L3MBTL2: variants seen among roughly 807,000 people sequenced by gnomAD.
L3MBTL2 encodes lethal(3)malignant brain tumor-like protein 2.
L3MBTL2 carries 49 observed loss-of-function variants against 86.4 expected under a neutral mutation model. That is an observed-to-expected ratio of 0.57 (90% CI 0.45 to 0.72). The LOEUF is 0.72. Ranked by LOEUF, L3MBTL2 falls within the 30% of genes least tolerant of loss-of-function variation. L3MBTL2 has a pLI of 0.00. For missense variants in L3MBTL2, 755 were observed against 923.7 expected, an observed-to-expected ratio of 0.82 and a Z score of 2.37; for synonymous variants, 336 against 350.6, an observed-to-expected ratio of 0.96 and a Z score of 0.47.
rs1305547496 is a variant in L3MBTL2, at chr22:41,231,196, A to G, written c.*945A>G. ...GACAAGGATGACAGAGCTGGAGGAC[A>G]CATCTAGCTGCCATTGCAACCTCAC... On this transcript the variant is annotated 3_prime_UTR_variant, in exon 17 of 17. Transcript: ENST00000216237. The G allele has an allele frequency of 6.6e-6, 1 of 152,188 alleles. No homozygotes were observed. The highest frequency in any genetic ancestry group is 1.5e-5 in the Non-Finnish European group (1 of 68,040). The allele number at this position is 152,188 out of a possible 1,614,324, so 9.4% of individuals were successfully genotyped here. A position where few individuals can be genotyped will look rare whatever the true frequency, so the allele number is the denominator to read the frequency against.
At position 41,230,642 on chromosome 22, in the gene L3MBTL2, C is replaced by T. The variant is rs722518; in HGVS notation, c.*391C>T. 1 of 210,376 alleles carries T rather than the reference C, an allele frequency of 4.8e-6. No individual in the cohort carries two copies. Among genetic ancestry groups the T allele is most frequent in the African/African-American group, 2.3e-5 (1 of 42,782 alleles). The allele number at this position is 210,376 out of a possible 1,614,324, so 13.0% of individuals were successfully genotyped here. On this transcript the variant is annotated 3_prime_UTR_variant, in exon 17 of 17. Coordinates refer to ENST00000216237, the MANE Select transcript of L3MBTL2 (RefSeq NM_031488.5). ...ACTGTGGAATACAAGACAGTGAACT[C>T]TGTCTGCCTGAACGAGCCATGTAAA...
chr22:41,209,972 G>A (rs774535295), intron 2 of L3MBTL2, 39 bp downstream of exon 2: 2 of 1,602,430 alleles, frequency 1.2e-6, no homozygotes, highest in Non-Finnish European at 1.7e-6. Context: ...AGAGGAGATA[G>A]AAGATTATAG....
In L3MBTL2 at chr22:41,209,624, C is replaced by A. The variant is rs1404071930; in HGVS notation, c.25-72C>A. On this transcript the variant is annotated intron_variant, in intron 1 of 16. Transcript: ENST00000216237. ...AAGTGTGAGGGGGCTGATAGCAGAT[C>A]TGCAGCTTCTCCCCCCGTGCACTAA... 3.0e-6 allele frequency: 4 copies of A among 1,342,822 alleles called. No homozygotes were observed. The East Asian group carries it at 6.9e-5, about 23-fold the overall frequency. The allele number at this position is 1,342,822 out of a possible 1,614,324, so 83.2% of individuals were successfully genotyped here.
At position 41,227,884 on chromosome 22, in the gene L3MBTL2, G is replaced by C; in HGVS notation, c.1888+15G>C. The C allele has an allele frequency of 6.2e-7, 1 of 1,610,954 alleles. No homozygotes were observed. Among genetic ancestry groups the C allele is most frequent in the South Asian group, 1.1e-5 (1 of 90,642 alleles). On this transcript the variant is annotated intron_variant, in intron 15 of 16. Transcript: ENST00000216237. This position sits in a 1 kb window ranked among gnomAD's most constrained non-coding sequence, Gnocchi z 6.0. ...TGGGAAGAAAAGTAAGTGCTGCACCGGTGCAGCCAGGCTGGTGTGGGCCTG... is the reference window on the plus strand; with the variant it reads ...TGGGAAGAAAAGTAAGTGCTGCACCCGTGCAGCCAGGCTGGTGTGGGCCTG...
At chr22:41,222,411 A>G (rs1310849773) in intron 8 of L3MBTL2, among the ~76,000 whole-genome samples, 1 of 151,786 alleles carries the variant, frequency 6.6e-6, no homozygotes, top group Non-Finnish European at 1.5e-5. Flanking sequence ...CTGGTGTAGG[A>G]CTCCTGTGTG....
At chr22:41,211,932 T>C (rs147734040) in intron 2 of L3MBTL2, among the ~76,000 whole-genome samples, 3,440 of 135,824 alleles carry the variant, frequency 0.025, 439 homozygotes, top group Admixed American at 0.22. Flanking sequence ...GGCACGATCT[T>C]GGCTCACTGC....
intron 3 of L3MBTL2, among the ~76,000 whole-genome samples, chr22:41,215,179 T>C (rs1313285943): frequency 1.3e-5 from 2 of 152,190 alleles, no homozygotes; most frequent in Non-Finnish European, 2.9e-5. Context: ...TACTGCTTCA[T>C]ACACTGTCGC....
At chr22:41,219,558 G>T in intron 6 of L3MBTL2, 22 bp downstream of exon 6, 1 of 1,484,066 alleles carries the variant, frequency 6.7e-7, no homozygotes, top group Non-Finnish European at 9.4e-7. Context: ...GCCAGGGCAG[G>T]GCCAGGGATG....
intron 6 of L3MBTL2, 97 bp from the exon 7 acceptor site, chr22:41,220,637 G>A (rs1243116950): frequency 2.3e-5 from 31 of 1,359,178 alleles, no homozygotes; most frequent in Non-Finnish European, 2.5e-5. Context: ...CAGCCTGGGC[G>A]ACAGAGCAAG....
intron 1 of L3MBTL2, chr22:41,208,439 G>A (rs568231118): frequency 2.6e-5 from 8 of 303,314 alleles, no homozygotes; most frequent in South Asian, 1.2e-4. Context: ...CTCTTCACAC[G>A]TTTTCTGTTA....
rs748795661 is a variant in L3MBTL2, at chr22:41,224,967, G to T, written c.1252G>T (p.Val418Leu). The T allele has an allele frequency of 1.9e-6, 3 of 1,613,248 alleles. No homozygotes were observed. The highest frequency in any genetic ancestry group is 2.2e-5 in the South Asian group (2 of 91,024). ...TCCCCAGCTGTCCCATTCCTTTAAG[G>T]TACGAGCAGTCTACACAGAAGGCGG... is the stretch of plus-strand genomic sequence containing the variant. ...CDAVPYLFKK[V>L]RAVYTEGGWF... Residue 418 changes from valine to leucine, a missense_variant and splice_region_variant, in exon 11 of 17, where the codon GTA becomes TTA. Val to Leu is a conservative substitution (Grantham distance 32, BLOSUM62 1). Transcript: ENST00000216237. The surrounding 1 kb of genome is among the most constrained non-coding windows in gnomAD (Gnocchi z 4.9).
At chr22:41,226,611 C>A in intron 12 of L3MBTL2, 51 bp from the exon 13 acceptor site, 2 of 1,307,632 alleles carry the variant, frequency 1.5e-6, no homozygotes, top group South Asian at 1.2e-5. Context: ...TCCTCCTGCC[C>A]ACTTCCTGCT....
chr22:41,209,581 T>C lies in L3MBTL2; in HGVS notation c.25-115T>C, dbSNP rs79103835. 4.3e-3 allele frequency: 3,352 copies of C among 782,718 alleles called. 68 individuals are homozygous for C. The African/African-American group carries it at 0.053, about 12-fold the overall frequency. 48.5% of individuals were successfully genotyped at this position (782,718 alleles called of 1,614,324 possible). On this transcript the variant is annotated intron_variant, in intron 1 of 16. Transcript: ENST00000216237. ...ATGATCTTGGTGTTTGTAAAAGGGG[T>C]ATTTGAAAGGTTCCCGAAAGTGTGA...
chr22:41,216,953 C>T, intron 4 of L3MBTL2, 170 bp from the exon 5 acceptor site: 1 of 586,552 alleles, frequency 1.7e-6, no homozygotes, highest in South Asian at 2.0e-5. Context: ...CTCATGGCCA[C>T]TGGTGGATCA....
Position 41,225,522 on chromosome 22 carries a change from C to T in L3MBTL2, c.1357-272C>T, listed in dbSNP as rs140009021. 1.5e-3 allele frequency among the ~76,000 whole-genome samples: 232 copies of T among 152,252 alleles called. 1 individual carries two copies. Among genetic ancestry groups the T allele is most frequent in the African/African-American group, 5.2e-3 (216 of 41,538 alleles). ...CGCCGCGGATCCGCTCCATGCCGGGCGCGTGTGCTCACCCAAGAACACGGT... is the reference window on the plus strand; with the variant it reads ...CGCCGCGGATCCGCTCCATGCCGGGTGCGTGTGCTCACCCAAGAACACGGT... On this transcript the variant is annotated intron_variant, in intron 11 of 16. Coordinates refer to ENST00000216237, the MANE Select transcript of L3MBTL2 (RefSeq NM_031488.5). This position sits in a 1 kb window ranked among gnomAD's most constrained non-coding sequence, Gnocchi z 4.1.
intron 2 of L3MBTL2, among the ~76,000 whole-genome samples, chr22:41,212,396 CTT>C (rs10553071): frequency 0.33 from 40,911 of 125,222 alleles, 6,720 homozygotes; most frequent in African/African-American, 0.5. Context: ...TAGGTTCAGG[CTT>C]TTTTTTTTTT....
At chr22:41,208,565 A>G (rs980108122) in intron 1 of L3MBTL2, 2 of 243,946 alleles carry the variant, frequency 8.2e-6, no homozygotes, top group Non-Finnish European at 1.6e-5. Context: ...CCAAGGCCCT[A>G]TAGCTAGTTA....
At chr22:41,220,175 C>T (rs755595604) in intron 6 of L3MBTL2, among the ~76,000 whole-genome samples, 2 of 152,182 alleles carry the variant, frequency 1.3e-5, no homozygotes, top group African/African-American at 4.8e-5. Flanking sequence ...TAGTGAGATA[C>T]TGTCTCTATA....
At chr22:41,214,151 T>C (rs2031141721) in intron 3 of L3MBTL2, 125 bp downstream of exon 3, 1 of 961,206 alleles carries the variant, frequency 1.0e-6, no homozygotes, top group Non-Finnish European at 1.6e-6. Flanking sequence ...TGGTATTTAT[T>C]ATGTTCTCAA....
Sources: gnomAD v4.1 joint callset for allele counts (sites outside exome capture counted in the v4.1 genomes callset) on GRCh38, gnomAD v4.1.1 for gene constraint, Gnocchi (gnomAD v3.1) non-coding constraint, MANE v1.5 for transcripts, NCBI Gene and HGNC (gene_info 2026-07-23, HGNC 2026-07-21) for gene names.